ZNF804B: variants seen among roughly 807,000 people sequenced by gnomAD.
ZNF804B encodes zinc finger protein 804B, also known as zinc finger 804B.
Under a neutral mutation model 101.4 loss-of-function variants are expected in ZNF804B, and 80 were observed. That is an observed-to-expected ratio of 0.79 (90% CI 0.66 to 0.95). The LOEUF (loss-of-function observed/expected upper bound fraction) is 0.95. ZNF804B is among the 40% of genes least tolerant of loss of function. ZNF804B has a pLI of 0.00. For missense variants in ZNF804B, 1,673 were observed against 1,561.9 expected, an observed-to-expected ratio of 1.07 and a Z score of -1.20; for synonymous variants, 622 against 558.8, an observed-to-expected ratio of 1.11 and a Z score of -1.59.
chr7:88,909,761 GTT>G, intron 1 of ZNF804B, among the ~76,000 whole-genome samples: 1 of 145,464 alleles, frequency 6.9e-6, no homozygotes, highest in Non-Finnish European at 1.5e-5. Flanking sequence ...TCATTTACAG[GTT>G]TTTTTTTTTA....
chr7:88,988,549 T>C (rs758607848), intron 1 of ZNF804B, among the ~76,000 whole-genome samples: 27 of 152,128 alleles, frequency 1.8e-4, no homozygotes, highest in Non-Finnish European at 3.2e-4. Flanking sequence ...GGAGCATAGA[T>C]CAGACAAGGA....
At chr7:89,076,957 G>A (rs1233149126) in intron 1 of ZNF804B, among the ~76,000 whole-genome samples, 1 of 152,184 alleles carries the variant, frequency 6.6e-6, no homozygotes, top group East Asian at 1.9e-4. Context: ...CAAGTATATA[G>A]TGTCATATGC....
intron 1 of ZNF804B, among the ~76,000 whole-genome samples, chr7:88,883,907 T>C (rs1049546479): frequency 6.6e-6 from 1 of 152,030 alleles, no homozygotes; most frequent in African/African-American, 2.4e-5. Context: ...TTTTTATATA[T>C]TTATTTTAGA....
At chr7:88,930,333 G>A (rs566523109) in intron 1 of ZNF804B, among the ~76,000 whole-genome samples, 1 of 151,994 alleles carries the variant, frequency 6.6e-6, no homozygotes, top group Non-Finnish European at 1.5e-5. Context: ...CATTAACTGA[G>A]GAGAAATGAA....
chr7:89,245,563 AT>A (rs1198823428), intron 2 of ZNF804B, among the ~76,000 whole-genome samples: 1 of 152,214 alleles, frequency 6.6e-6, no homozygotes, highest in Non-Finnish European at 1.5e-5. Flanking sequence ...AATTGTAAGA[AT>A]TACACCTAAA....
intron 1 of ZNF804B, among the ~76,000 whole-genome samples, chr7:88,905,312 C>A (rs531573739): frequency 6.6e-6 from 1 of 151,788 alleles, no homozygotes; most frequent in Non-Finnish European, 1.5e-5. Flanking sequence ...TTGATTGTGG[C>A]GAATTAACTT....
At chr7:88,919,357 G>A (rs1301012493) in intron 1 of ZNF804B, among the ~76,000 whole-genome samples, 2 of 152,096 alleles carry the variant, frequency 1.3e-5, no homozygotes, top group Admixed American at 1.3e-4. Context: ...AATGATTCAT[G>A]AGAAAATGGA....
intron 1 of ZNF804B, among the ~76,000 whole-genome samples, chr7:88,928,916 C>A (rs894461813): frequency 1.3e-5 from 2 of 151,896 alleles, no homozygotes; most frequent in African/African-American, 4.8e-5. Flanking sequence ...TTAGTTGGCT[C>A]ATATATGACA....
At chr7:88,995,635 C>T (rs1199831464) in intron 1 of ZNF804B, among the ~76,000 whole-genome samples, 1 of 151,952 alleles carries the variant, frequency 6.6e-6, no homozygotes, top group Non-Finnish European at 1.5e-5. Context: ...TGTTATAGAA[C>T]ATAACTCCTC....
At position 88,960,934 on chromosome 7, in the gene ZNF804B, G is replaced by C. The variant is rs74463968; in HGVS notation, c.108+200850G>C. 7.6e-3 allele frequency among the ~76,000 whole-genome samples: 1,154 copies of C among 151,400 alleles called. 12 individuals are homozygous for C. The highest frequency in any genetic ancestry group is 0.027 in the African/African-American group (1,115 of 41,432). ...AAAAAGTTTGATACTTTTTCCTTCT[G>C]AATCCACCAATGATTTTGTCATTGA... On this transcript the variant is annotated intron_variant, in intron 1 of 3. Coordinates refer to ENST00000333190, the MANE Select transcript of ZNF804B (RefSeq NM_181646.5).
intron 2 of ZNF804B, among the ~76,000 whole-genome samples, chr7:89,301,966 G>T (rs543203569): frequency 3.4e-4 from 51 of 151,814 alleles, no homozygotes; most frequent in African/African-American, 1.2e-3. Flanking sequence ...CTTTATTAAG[G>T]TTCACTTTAA....
At chr7:89,148,495 A>G (rs1369904919) in intron 1 of ZNF804B, among the ~76,000 whole-genome samples, 1 of 152,074 alleles carries the variant, frequency 6.6e-6, no homozygotes, top group Admixed American at 6.6e-5. Flanking sequence ...TTTACATTTA[A>G]CTATCTCTGC....
intron 1 of ZNF804B, among the ~76,000 whole-genome samples, chr7:89,019,427 A>C (rs1039190047): frequency 6.6e-6 from 1 of 152,082 alleles, no homozygotes; most frequent in African/African-American, 2.4e-5. Context: ...AATGTTCCAT[A>C]CACTGATGAA....
intron 1 of ZNF804B, among the ~76,000 whole-genome samples, chr7:88,856,270 C>G (rs1791557942): frequency 6.6e-6 from 1 of 152,134 alleles, no homozygotes; most frequent in African/African-American, 2.4e-5. Flanking sequence ...TTTGTATCCT[C>G]TTTTATTTCC....
chr7:88,948,306 ATTTTT>A (rs68069374), intron 1 of ZNF804B, among the ~76,000 whole-genome samples: 28 of 92,712 alleles, frequency 3.0e-4, no homozygotes, highest in South Asian at 2.3e-3. Flanking sequence ...CCACCCATCC[ATTTTT>A]TTTTTTTTTT....
intron 1 of ZNF804B, among the ~76,000 whole-genome samples, chr7:89,185,555 C>T (rs1318377752): frequency 6.6e-6 from 1 of 152,096 alleles, no homozygotes; most frequent in African/African-American, 2.4e-5. Context: ...GCTACTAAAA[C>T]GACGTATTGA....
intron 2 of ZNF804B, among the ~76,000 whole-genome samples, chr7:89,279,498 T>C (rs1352365527): frequency 8.6e-5 from 13 of 151,084 alleles, no homozygotes; most frequent in African/African-American, 2.9e-4. Context: ...TTGTCATAGA[T>C]AGCTCTTATT....
At position 88,759,747 on chromosome 7, in the gene ZNF804B, C is replaced by A; in HGVS notation, c.-230C>A. ...GTGGACTGGCTCGCCGGGTCCCCTC[C>A]GTGCTCTGTGCTGTCGCCGCCGCCG... On this transcript the variant is annotated 5_prime_UTR_variant, in exon 1 of 4. Coordinates refer to ENST00000333190, the MANE Select transcript of ZNF804B (RefSeq NM_181646.5). 1.8e-6 allele frequency: 1 copy of A among 567,848 alleles called. No individual in the cohort carries two copies. The highest frequency in any genetic ancestry group is 2.9e-5 in the East Asian group (1 of 34,080). 35.2% of individuals were successfully genotyped at this position (567,848 alleles called of 1,614,324 possible).
intron 1 of ZNF804B, among the ~76,000 whole-genome samples, chr7:89,207,169 G>A (rs1348123073): frequency 1.3e-5 from 2 of 152,102 alleles, no homozygotes; most frequent in Non-Finnish European, 2.9e-5. Flanking sequence ...ACATTTTTGG[G>A]TATCTTTACA....
Sources: allele counts gnomAD v4.1 joint callset (sites outside exome capture counted in the v4.1 genomes callset), GRCh38; gene constraint gnomAD v4.1.1; transcripts MANE v1.5; gene names NCBI Gene and HGNC (gene_info 2026-07-23, HGNC 2026-07-21).